Variants in SCAPER observed in about 807,000 individuals in gnomAD.
The protein encoded by SCAPER is S phase cyclin A-associated protein in the endoplasmic reticulum.
A neutral mutation model predicts 182.2 loss-of-function variants in SCAPER; 98 were observed. That is an observed-to-expected ratio of 0.54 (90% CI 0.46 to 0.64). The LOEUF is 0.64. SCAPER is among the 30% of genes least tolerant of loss of function. SCAPER has a pLI of 0.00. For synonymous variants in SCAPER, 605 were observed against 564.6 expected (o/e 1.07, Z -1.01); for missense variants, 1,432 against 1,690.0 (o/e 0.85, Z 2.68).
At position 76,862,435 on chromosome 15, in the gene SCAPER, T is replaced by C; in HGVS notation, c.105A>G (p.Leu35=). ...ACATACCATCATCATCTTTGCTTTC[T>C]AGTGGAACACTCCAAGCTATTAGGT... ...ARNLIAWSVP[L]ESKDDDGKPK... Residue 35 remains leucine, a synonymous_variant, in exon 3 of 32, where the codon CTA becomes CTG. Transcript: ENST00000563290. 2 of 1,608,014 alleles carry C rather than the reference T, an allele frequency of 1.2e-6. No homozygotes were observed. The highest frequency in any genetic ancestry group is 1.7e-6 in the Non-Finnish European group (2 of 1,175,096).
chr15:76,453,878 C>T (rs1022018907), intron 25 of SCAPER, among the ~76,000 whole-genome samples: 19 of 152,196 alleles, frequency 1.2e-4, no homozygotes, highest in Non-Finnish European at 2.1e-4. Context: ...ATCCGAGATA[C>T]AGGTCTTCCT....
At chr15:76,436,551 TTTGG>T (rs1386121931) in intron 25 of SCAPER, among the ~76,000 whole-genome samples, 18 of 152,282 alleles carry the variant, frequency 1.2e-4, no homozygotes, top group African/African-American at 4.3e-4. Context: ...TTCTATATGT[TTTGG>T]TAGTGTCTTG....
At chr15:76,773,394 A>G (rs2063573475) in intron 9 of SCAPER, among the ~76,000 whole-genome samples, 1 of 151,938 alleles carries the variant, frequency 6.6e-6, no homozygotes, top group Non-Finnish European at 1.5e-5. Flanking sequence ...TTCACTACAC[A>G]CATTGCATAA....
intron 21 of SCAPER, among the ~76,000 whole-genome samples, chr15:76,659,078 C>A (rs2055902774): frequency 6.6e-6 from 1 of 152,016 alleles, no homozygotes; most frequent in African/African-American, 2.4e-5. Context: ...ACAAATGAGA[C>A]CTATTTAAAA....
chr15:76,415,608 AAAT>A (rs1390627999), intron 26 of SCAPER, among the ~76,000 whole-genome samples: 1 of 152,248 alleles, frequency 6.6e-6, no homozygotes, highest in East Asian at 1.9e-4. Flanking sequence ...AATTGCATAA[AAAT>A]AACAATTGGC....
intron 23 of SCAPER, among the ~76,000 whole-genome samples, chr15:76,560,796 T>C (rs1437960699): frequency 6.6e-6 from 1 of 152,190 alleles, no homozygotes; most frequent in African/African-American, 2.4e-5. Flanking sequence ...TGCTGGGGGA[T>C]ATACACCTAG....
chr15:76,645,756 T>C (rs2054496437), intron 21 of SCAPER, among the ~76,000 whole-genome samples: 1 of 152,202 alleles, frequency 6.6e-6, no homozygotes, highest in Non-Finnish European at 1.5e-5. Flanking sequence ...AATCATGTTC[T>C]ATACACTTTT....
chr15:76,625,674 A>G (rs1464516189), intron 21 of SCAPER, among the ~76,000 whole-genome samples: 2 of 152,140 alleles, frequency 1.3e-5, no homozygotes, highest in South Asian at 2.1e-4. Flanking sequence ...AGGCCCAAGC[A>G]TGGACTCCCT....
At chr15:76,811,972 A>C (rs893525758) in intron 5 of SCAPER, among the ~76,000 whole-genome samples, 4 of 152,084 alleles carry the variant, frequency 2.6e-5, no homozygotes, top group African/African-American at 9.7e-5. Flanking sequence ...CAAAGTTAGC[A>C]GAAGGAAGAA....
intron 23 of SCAPER, among the ~76,000 whole-genome samples, chr15:76,548,035 G>T (rs2045440529): frequency 6.6e-6 from 1 of 151,812 alleles, no homozygotes; most frequent in African/African-American, 2.4e-5. Context: ...GAGCATCCTG[G>T]ATCTCCATTT....
chr15:76,481,969 G>A (rs1357883234), intron 24 of SCAPER, among the ~76,000 whole-genome samples: 1 of 152,130 alleles, frequency 6.6e-6, no homozygotes, highest in African/African-American at 2.4e-5. Flanking sequence ...CTGAAAATTG[G>A]AAGTTGGATC....
At chr15:76,714,958 CA>C (rs1414530517) in intron 17 of SCAPER, among the ~76,000 whole-genome samples, 3 of 151,908 alleles carry the variant, frequency 2.0e-5, no homozygotes, top group Admixed American at 6.6e-5. Flanking sequence ...AAAAAAAACA[CA>C]TAAAAAGCAC....
rs1229685947 is a variant in SCAPER at position 76,601,472 on chromosome 15, C to T, written c.2711+20292G>A. Reference sequence around the variant, plus strand: ...TTACAATTGCCTGTAGTATTCATTACAGTAACATGGCATACATGTTTGTAG... The same window carrying T: ...TTACAATTGCCTGTAGTATTCATTATAGTAACATGGCATACATGTTTGTAG... On this transcript the variant is annotated intron_variant, in intron 22 of 31. Coordinates refer to ENST00000563290, the MANE Select transcript of SCAPER (RefSeq NM_020843.4). Among the ~76,000 whole-genome samples, 7 of 121,530 alleles carry T rather than the reference C, an allele frequency of 5.8e-5. 2 individuals carry two copies. The highest frequency in any genetic ancestry group is 1.2e-4 in the Non-Finnish European group (6 of 50,050). 79.7% of individuals were successfully genotyped at this position (121,530 alleles called of 152,430 possible).
At chr15:76,883,146 G>A (rs774259606) in intron 2 of SCAPER, among the ~76,000 whole-genome samples, 15 of 152,154 alleles carry the variant, frequency 9.9e-5, no homozygotes, top group Non-Finnish European at 2.2e-4. Flanking sequence ...TAAGAGAGAA[G>A]GAAGAAGGCA....
chr15:76,711,949 C>T (rs1181937492), intron 17 of SCAPER, among the ~76,000 whole-genome samples: 3 of 152,080 alleles, frequency 2.0e-5, no homozygotes, highest in Non-Finnish European at 4.4e-5. Flanking sequence ...TAATTAGATC[C>T]CATTTGTCAA....
intron 24 of SCAPER, among the ~76,000 whole-genome samples, chr15:76,478,520 T>TCA (rs2050841959): frequency 6.6e-6 from 1 of 152,164 alleles, no homozygotes; most frequent in Non-Finnish European, 1.5e-5. Context: ...TTCATTTGTA[T>TCA]CACCTTCTAA....
At chr15:76,856,287 AAG>A (rs2071360003) in intron 4 of SCAPER, among the ~76,000 whole-genome samples, 1 of 152,034 alleles carries the variant, frequency 6.6e-6, no homozygotes, top group South Asian at 2.1e-4. Flanking sequence ...AAAAAAGAGA[AAG>A]AGGAAAAATA....
chr15:76,511,489 AC>A (rs777783799), intron 23 of SCAPER, among the ~76,000 whole-genome samples: 71 of 152,310 alleles, frequency 4.7e-4, no homozygotes, highest in Middle Eastern at 3.4e-3. Flanking sequence ...CACTCCAGGG[AC>A]AACTTCTTCA....
At chr15:76,547,757 C>A (rs1004838660) in intron 23 of SCAPER, among the ~76,000 whole-genome samples, 1 of 152,056 alleles carries the variant, frequency 6.6e-6, no homozygotes, top group Non-Finnish European at 1.5e-5. Context: ...CATATGCATA[C>A]ACAGGTCAAA....
Sources: gnomAD v4.1 joint callset for allele counts (sites outside exome capture counted in the v4.1 genomes callset) on GRCh38, gnomAD v4.1.1 for gene constraint, MANE v1.5 for transcripts, NCBI Gene and HGNC (gene_info 2026-07-23, HGNC 2026-07-21) for gene names.